Variants in GRIN2B observed in about 807,000 individuals in gnomAD.
GRIN2B encodes glutamate receptor ionotropic, NMDA 2B.
A neutral mutation model predicts 114.5 loss-of-function variants in GRIN2B; 5 were observed. That is an observed-to-expected ratio of 0.04 (90% CI 0.02 to 0.09). The LOEUF (loss-of-function observed/expected upper bound fraction) is 0.09. Among genes scored for constraint, GRIN2B ranks in the 10% least tolerant of loss-of-function variants. The probability of loss-of-function intolerance (pLI) is 1.00; values close to 1 mark genes in which losing one functional copy is unlikely to be tolerated. For synonymous variants in GRIN2B, 787 were observed against 745.1 expected, an observed-to-expected ratio of 1.06 and a Z score of -0.92; for missense variants, 1,108 against 1,943.5, an observed-to-expected ratio of 0.57 and a Z score of 8.08.
intron 2 of GRIN2B, among the ~76,000 whole-genome samples, chr12:13,956,601 G>A (rs1197331434): frequency 6.6e-6 from 1 of 152,114 alleles, no homozygotes; most frequent in South Asian, 2.1e-4. Context: ...GACTCTGGGT[G>A]CCCTGTGTGG....
chr12:13,713,232 G>A (rs572363555), intron 4 of GRIN2B, among the ~76,000 whole-genome samples: 1 of 151,862 alleles, frequency 6.6e-6, no homozygotes, highest in East Asian at 1.9e-4. Flanking sequence ...CCCTACTCTT[G>A]GTCCACTTGA....
At chr12:13,678,555 T>A (rs1950098074) in intron 4 of GRIN2B, among the ~76,000 whole-genome samples, 1 of 152,072 alleles carries the variant, frequency 6.6e-6, no homozygotes, top group South Asian at 2.1e-4. Context: ...GGCTTCGTGT[T>A]TTCTACCATC....
chr12:13,809,229 A>G (rs1864680382), intron 3 of GRIN2B, among the ~76,000 whole-genome samples: 1 of 152,138 alleles, frequency 6.6e-6, no homozygotes, highest in Admixed American at 6.5e-5. Flanking sequence ...CAGAAAAACC[A>G]ATTTCCTAAT....
chr12:13,682,100 C>T (rs1950135992), intron 4 of GRIN2B, among the ~76,000 whole-genome samples: 1 of 152,022 alleles, frequency 6.6e-6, no homozygotes, highest in African/African-American at 2.4e-5. Flanking sequence ...TTTAGATAGA[C>T]TAAACAGAAA....
Position 13,753,070 on chromosome 12 carries a change from G to T in GRIN2B, c.1010+247C>A, listed in dbSNP as rs1181348741. ...TATAGAGTTATTTTGAGGATCAAAT[G>T]AAACCAAACATGCAAAACCCTTAGA... On this transcript the variant is annotated intron_variant, in intron 4 of 13. Coordinates refer to ENST00000609686, the MANE Select transcript of GRIN2B (RefSeq NM_000834.5). The surrounding 1 kb of genome is among the most constrained non-coding windows in gnomAD (Gnocchi z 6.2). Among the ~76,000 whole-genome samples, 4 of 152,204 alleles carry T rather than the reference G, an allele frequency of 2.6e-5. No individual in the cohort carries two copies. Among genetic ancestry groups the T allele is most frequent in the Non-Finnish European group, 1.5e-5 (1 of 68,036 alleles).
At chr12:13,811,036 A>G (rs183973697) in intron 3 of GRIN2B, among the ~76,000 whole-genome samples, 75 of 152,380 alleles carry the variant, frequency 4.9e-4, no homozygotes, top group African/African-American at 1.5e-3. Context: ...TATTAGGTCC[A>G]GTAGTGAGAT....
intron 2 of GRIN2B, among the ~76,000 whole-genome samples, chr12:13,869,548 T>C (rs1865875207): frequency 6.6e-6 from 1 of 152,290 alleles, no homozygotes; most frequent in African/African-American, 2.4e-5. Flanking sequence ...GTAAATTTCA[T>C]GCATTATTAG....
chr12:13,606,056 C>T (rs1194306057), intron 10 of GRIN2B, among the ~76,000 whole-genome samples: 1 of 152,160 alleles, frequency 6.6e-6, no homozygotes, highest in South Asian at 2.1e-4. Context: ...AGTCTACTAC[C>T]TCTCTGCCAC....
At chr12:13,938,103 A>C (rs219902) in intron 2 of GRIN2B, among the ~76,000 whole-genome samples, 114,480 of 151,894 alleles carry the variant, frequency 0.75, 44,125 homozygotes, top group Non-Finnish European at 0.86. Flanking sequence ...ATAAAATAGA[A>C]AATATGAAAT....
At chr12:13,675,587 T>C (rs1950065652) in intron 5 of GRIN2B, among the ~76,000 whole-genome samples, 158 bp downstream of exon 5, 1 of 152,154 alleles carries the variant, frequency 6.6e-6, no homozygotes, top group Non-Finnish European at 1.5e-5. Flanking sequence ...TAAATGAACA[T>C]GCAAGTTTGA....
chr12:13,806,548 G>T (rs1864603928), intron 3 of GRIN2B, among the ~76,000 whole-genome samples: 1 of 151,984 alleles, frequency 6.6e-6, no homozygotes, highest in South Asian at 2.1e-4. Context: ...TTTTGGGTCT[G>T]TTGCCCATTT....
intron 5 of GRIN2B, among the ~76,000 whole-genome samples, chr12:13,673,835 C>T (rs1455765933): frequency 2.0e-5 from 3 of 151,934 alleles, no homozygotes; most frequent in Non-Finnish European, 4.4e-5. Flanking sequence ...AAGAAAGCTG[C>T]CCCCTCTGTA....
At chr12:13,752,615 G>A (rs1189150548) in intron 4 of GRIN2B, among the ~76,000 whole-genome samples, 3 of 152,000 alleles carry the variant, frequency 2.0e-5, no homozygotes. Flanking sequence ...AATACCCCAC[G>A]GAGGATGCAC....
At chr12:13,814,317 T>C (rs1864781259) in intron 3 of GRIN2B, among the ~76,000 whole-genome samples, 1 of 152,228 alleles carries the variant, frequency 6.6e-6, no homozygotes, top group Non-Finnish European at 1.5e-5. Flanking sequence ...AGATCTCACA[T>C]GCTATGTTTA....
intron 4 of GRIN2B, among the ~76,000 whole-genome samples, chr12:13,711,365 A>G (rs1431601135): frequency 6.6e-6 from 1 of 152,212 alleles, no homozygotes; most frequent in African/African-American, 2.4e-5. Context: ...AACAAAAGCC[A>G]AAATTGAGCA....
chr12:13,903,622 T>C (rs975344541), intron 2 of GRIN2B, among the ~76,000 whole-genome samples: 7 of 152,108 alleles, frequency 4.6e-5, no homozygotes, highest in Non-Finnish European at 7.4e-5. Context: ...TGAGATGTAA[T>C]TTAAGTTTTG....
intron 3 of GRIN2B, among the ~76,000 whole-genome samples, chr12:13,777,335 A>G (rs1203904784): frequency 2.6e-5 from 4 of 152,062 alleles, no homozygotes; most frequent in Non-Finnish European, 4.4e-5. Flanking sequence ...TCTCATCTAC[A>G]TCCTGACCAC....
chr12:13,970,914 C>A (rs1032311756), intron 2 of GRIN2B, among the ~76,000 whole-genome samples: 2 of 152,170 alleles, frequency 1.3e-5, no homozygotes, highest in Non-Finnish European at 2.9e-5. Flanking sequence ...ATTCTCCATT[C>A]CCCCTCAAGC....
chr12:13,830,147 T>C (rs1472608741), intron 3 of GRIN2B, among the ~76,000 whole-genome samples: 1 of 152,216 alleles, frequency 6.6e-6, no homozygotes, highest in African/African-American at 2.4e-5. Context: ...TAAAGAAGGA[T>C]GTATCTAAGG....
Sources: allele counts gnomAD v4.1 joint callset (sites outside exome capture counted in the v4.1 genomes callset), GRCh38; gene constraint gnomAD v4.1.1; non-coding constraint Gnocchi (gnomAD v3.1); transcripts MANE v1.5; gene names NCBI Gene and HGNC (gene_info 2026-07-23, HGNC 2026-07-21).